CCSER1: variants seen among roughly 807,000 people sequenced by gnomAD.
The protein encoded by CCSER1 is serine-rich coiled-coil domain-containing protein 1.
CCSER1 carries 41 observed loss-of-function variants against 82.0 expected under a neutral mutation model. That is an observed-to-expected ratio of 0.50 (90% CI 0.39 to 0.65). The LOEUF (loss-of-function observed/expected upper bound fraction) is 0.65. Among genes scored for constraint, CCSER1 ranks in the 30% least tolerant of loss-of-function variants. CCSER1 has a pLI of 0.00. For missense variants in CCSER1, 1,119 were observed against 1,064.2 expected (o/e 1.05, Z -0.72); for synonymous variants, 414 against 383.9 (o/e 1.08, Z -0.92).
At chr4:91,057,495 G>A (rs1743558337) in intron 9 of CCSER1, among the ~76,000 whole-genome samples, 1 of 151,962 alleles carries the variant, frequency 6.6e-6, no homozygotes, top group Non-Finnish European at 1.5e-5. Flanking sequence ...TAACATAATT[G>A]GACGATAATT....
At chr4:90,781,622 C>A in intron 7 of CCSER1, 1 of 973,920 alleles carries the variant, frequency 1.0e-6, no homozygotes, top group Non-Finnish European at 1.2e-6. Flanking sequence ...GTTTTTAATA[C>A]TTTTTTTCTG....
chr4:90,465,859 T>A (rs1279058120), intron 4 of CCSER1, among the ~76,000 whole-genome samples: 1 of 152,194 alleles, frequency 6.6e-6, no homozygotes, highest in Non-Finnish European at 1.5e-5. Context: ...ACCCTGTTTT[T>A]GGGGAGTGAC....
intron 10 of CCSER1, among the ~76,000 whole-genome samples, chr4:91,309,173 TTACTC>T (rs1321184492): frequency 3.9e-5 from 6 of 152,052 alleles, no homozygotes; most frequent in African/African-American, 1.4e-4. Context: ...TTTTAGATGA[TTACTC>T]TATTCTAATT....
chr4:90,744,634 C>G (rs985978638), intron 7 of CCSER1, among the ~76,000 whole-genome samples: 1 of 152,108 alleles, frequency 6.6e-6, no homozygotes, highest in East Asian at 1.9e-4. Context: ...CCAATAGGAA[C>G]CAGTCACAAA....
rs545997554 is a variant in CCSER1 at position 90,495,330 on chromosome 4, T to C, written c.1724+26976T>C. Among the ~76,000 whole-genome samples the C allele has an allele frequency of 7.2e-5, 11 of 152,280 alleles. No individual in the cohort carries two copies. The South Asian group carries it at 1.7e-3, about 23-fold the overall frequency. On this transcript the variant is annotated intron_variant, in intron 5 of 10. Coordinates refer to ENST00000509176, the MANE Select transcript of CCSER1 (RefSeq NM_001145065.2). Reference sequence around the variant, plus strand: ...TATAAGGATTAGTGTTGTTATGAATTTGACATGCATTAACATGACCATTGT... The same window carrying C: ...TATAAGGATTAGTGTTGTTATGAATCTGACATGCATTAACATGACCATTGT...
At chr4:90,904,281 T>A (rs1172445499) in intron 8 of CCSER1, among the ~76,000 whole-genome samples, 2 of 152,132 alleles carry the variant, frequency 1.3e-5, no homozygotes, top group Non-Finnish European at 2.9e-5. Flanking sequence ...CAATTGATAC[T>A]TTCACTCTCT....
At chr4:90,772,784 T>C (rs1752371041) in intron 7 of CCSER1, among the ~76,000 whole-genome samples, 1 of 152,332 alleles carries the variant, frequency 6.6e-6, no homozygotes, top group Non-Finnish European at 1.5e-5. Flanking sequence ...TGATATTATC[T>C]ATTATGTGTC....
At chr4:90,146,626 T>C (rs1725855657) in intron 1 of CCSER1, among the ~76,000 whole-genome samples, 2 of 152,112 alleles carry the variant, frequency 1.3e-5, no homozygotes. Flanking sequence ...TCAACTGTTA[T>C]CGAAATTGGC....
chr4:90,997,198 G>C (rs951984575), intron 9 of CCSER1, among the ~76,000 whole-genome samples: 1 of 152,048 alleles, frequency 6.6e-6, no homozygotes, highest in Non-Finnish European at 1.5e-5. Flanking sequence ...GGGAGAGTCG[G>C]CTTCCTAGTT....
At chr4:91,052,812 T>G (rs1036284483) in intron 9 of CCSER1, among the ~76,000 whole-genome samples, 7 of 152,134 alleles carry the variant, frequency 4.6e-5, no homozygotes, top group Non-Finnish European at 8.8e-5. Context: ...TTTAAAAACA[T>G]TATTTTGATA....
At chr4:90,367,157 C>T (rs532367245) in intron 3 of CCSER1, among the ~76,000 whole-genome samples, 7 of 151,638 alleles carry the variant, frequency 4.6e-5, no homozygotes, top group South Asian at 2.1e-4. Flanking sequence ...AGACAAGAGA[C>T]GGTAACAAAG....
chr4:91,364,866 A>C (rs182696358), intron 10 of CCSER1, among the ~76,000 whole-genome samples: 1 of 151,946 alleles, frequency 6.6e-6, no homozygotes, highest in African/African-American at 2.4e-5. Flanking sequence ...ATTAATTCTA[A>C]GTTTTTTTTC....
chr4:91,223,613 G>A (rs1296737872), intron 10 of CCSER1, among the ~76,000 whole-genome samples: 1 of 152,060 alleles, frequency 6.6e-6, no homozygotes, highest in Non-Finnish European at 1.5e-5. Context: ...TAGTTTTTAG[G>A]AGGGAAAACA....
intron 10 of CCSER1, among the ~76,000 whole-genome samples, chr4:91,147,436 T>A (rs1343516313): frequency 6.6e-6 from 1 of 152,206 alleles, no homozygotes; most frequent in African/African-American, 2.4e-5. Flanking sequence ...AAGCTGTTGC[T>A]GGCTAACACG....
intron 10 of CCSER1, among the ~76,000 whole-genome samples, chr4:91,402,953 C>G (rs574112504): frequency 1.6e-3 from 243 of 152,040 alleles, no homozygotes; most frequent in African/African-American, 4.6e-3. Flanking sequence ...TAGCTTGATG[C>G]GGATGGCATT....
intron 10 of CCSER1, among the ~76,000 whole-genome samples, chr4:91,155,273 T>C (rs1019749478): frequency 1.3e-5 from 2 of 151,874 alleles, no homozygotes; most frequent in African/African-American, 4.8e-5. Flanking sequence ...CTTGTGATAC[T>C]GAATGGTTTT....
intron 4 of CCSER1, 64 bp downstream of exon 4, chr4:90,400,193 A>C: frequency 1.2e-6 from 1 of 848,176 alleles, no homozygotes; most frequent in Non-Finnish European, 1.9e-6. Context: ...TTTCACTGAT[A>C]GCCTAAACAC....
chr4:90,512,435 T>A (rs900739234), intron 5 of CCSER1, among the ~76,000 whole-genome samples: 2 of 152,174 alleles, frequency 1.3e-5, no homozygotes, highest in Non-Finnish European at 2.9e-5. Context: ...GATAACTAGG[T>A]ATTACATTTG....
intron 5 of CCSER1, among the ~76,000 whole-genome samples, chr4:90,558,160 T>C (rs1317710305): frequency 6.6e-6 from 1 of 152,094 alleles, no homozygotes; most frequent in African/African-American, 2.4e-5. Context: ...AGGAAAAAAT[T>C]TGCCAGCAAT....
Sources: gnomAD v4.1 joint callset for allele counts (sites outside exome capture counted in the v4.1 genomes callset) on GRCh38, gnomAD v4.1.1 for gene constraint, MANE v1.5 for transcripts, NCBI Gene and HGNC (gene_info 2026-07-23, HGNC 2026-07-21) for gene names.